IL33: variants seen among roughly 807,000 people sequenced by gnomAD.
IL33 encodes the protein interleukin 33, also known as interleukin-33.
A neutral mutation model predicts 27.3 loss-of-function variants in IL33; 37 were observed. The observed-to-expected ratio is 1.36, with a 90% CI of 1.04 to 1.78. The LOEUF is 1.78. IL33 is among the 40% of genes most tolerant of loss of function. IL33 has a pLI of 0.00. For synonymous variants in IL33, 132 were observed against 102.9 expected (o/e 1.28, Z -1.71); for missense variants, 406 against 311.4 (o/e 1.30, Z -2.29).
chr9:6,221,638 A>C (rs1818416518), intron 1 of IL33, among the ~76,000 whole-genome samples: 1 of 152,246 alleles, frequency 6.6e-6, no homozygotes, highest in African/African-American at 2.4e-5. Context: ...CATTTATGGC[A>C]AAAGCTGGTA....
chr9:6,231,498 C>T (rs991060643), intron 1 of IL33, among the ~76,000 whole-genome samples: 1 of 152,188 alleles, frequency 6.6e-6, no homozygotes, highest in African/African-American at 2.4e-5. Context: ...GTTTAAATGT[C>T]ACCTTCTCTG....
At chr9:6,241,308 T>C (rs992394672) in intron 1 of IL33, among the ~76,000 whole-genome samples, 1 of 152,250 alleles carries the variant, frequency 6.6e-6, no homozygotes, top group Non-Finnish European at 1.5e-5. Context: ...CATGATTGTA[T>C]GTGCTATACT....
chr9:6,221,196 G>A (rs960312387), intron 1 of IL33, among the ~76,000 whole-genome samples: 2 of 152,070 alleles, frequency 1.3e-5, no homozygotes, highest in Admixed American at 6.6e-5. Flanking sequence ...AAGAAAAAAG[G>A]TCCATATTAC....
At chr9:6,222,411 A>G (rs572493071) in intron 1 of IL33, among the ~76,000 whole-genome samples, 1 of 152,348 alleles carries the variant, frequency 6.6e-6, no homozygotes, top group East Asian at 1.9e-4. Context: ...CCAGCTAAAT[A>G]CCAGCATTGA....
intron 3 of IL33, 69 bp downstream of exon 3, chr9:6,250,668 A>G (rs1816300291): frequency 6.6e-7 from 1 of 1,511,036 alleles, no homozygotes; most frequent in African/African-American, 1.4e-5. Flanking sequence ...CCACATCTAA[A>G]TATGCAATTA....
At chr9:6,252,051 ACAAAC>A (rs1564073114) in intron 4 of IL33, among the ~76,000 whole-genome samples, 1,679 of 23,594 alleles carry the variant, frequency 0.071, 223 homozygotes, top group East Asian at 0.23. Context: ...AAACAAACAA[ACAAAC>A]AAAAAAAAAC....
chr9:6,241,762 A>G lies in IL33; in HGVS notation c.68A>G (p.Lys23Arg). ...STAKWKNTAS[K>R]ALCFKLGKSQ... ...GCAAAGTGGAAGAACACAGCAAGCA[A>G]AGCCTTGTGTTTCAAGCTGGGAAGT... Residue 23 changes from lysine to arginine, a missense_variant, in exon 2 of 8, where the codon AAA becomes AGA. Lys to Arg is a conservative substitution (Grantham distance 26, BLOSUM62 2). Transcript: ENST00000682010. The G allele has an allele frequency of 6.2e-7, 1 of 1,611,228 alleles. No homozygotes were observed. Among genetic ancestry groups the G allele is most frequent in the Non-Finnish European group, 8.5e-7 (1 of 1,178,314 alleles).
rs780238377 is a variant in IL33 at position 6,254,575 on chromosome 9, A to G, written c.612+22A>G. The G allele has an allele frequency of 2.3e-5, 30 of 1,315,960 alleles. No homozygotes were observed. The East Asian group carries it at 5.8e-4, about 25-fold the overall frequency. The allele number at this position is 1,315,960 out of a possible 1,614,324, so 81.5% of individuals were successfully genotyped here. ...GGAGGTAAAAAAAAAAAATTTATCT[A>G]TATCTATATATATGATTACAGAACT... On this transcript the variant is annotated intron_variant, in intron 7 of 7. Coordinates refer to ENST00000682010, the MANE Select transcript of IL33 (RefSeq NM_033439.4).
rs1019839709 is a variant in IL33 at position 6,245,872 on chromosome 9, T to C, written c.91+4087T>C. Among the ~76,000 whole-genome samples the C allele has an allele frequency of 7.9e-5, 12 of 151,038 alleles. 1 individual carries two copies. Among genetic ancestry groups the C allele is most frequent in the African/African-American group, 2.4e-4 (10 of 41,098 alleles). On this transcript the variant is annotated intron_variant, in intron 2 of 7. Transcript: ENST00000682010. ...GGTCAAGAGATTGAGATCATCCTGG[T>C]TAACACGGTGAAACCCCGTCTCTAC...
In IL33 at chr9:6,257,664, T is replaced by C. The variant is rs939139811; in HGVS notation, c.*1496T>C. 1.3e-5 allele frequency: 2 copies of C among 152,418 alleles called. No individual in the cohort carries two copies. Among genetic ancestry groups the C allele is most frequent in the Non-Finnish European group, 2.9e-5 (2 of 67,952 alleles). 9.4% of individuals were successfully genotyped at this position (152,418 alleles called of 1,614,324 possible). The stretch of plus-strand genomic sequence containing the variant: ...ACAGAATCTTTATGAAATATGACCT[T>C]TTCTGAAAATACATACTTTTACATT... On this transcript the variant is annotated 3_prime_UTR_variant, in exon 8 of 8. Coordinates refer to ENST00000682010, the MANE Select transcript of IL33 (RefSeq NM_033439.4).
rs761806036 is a variant in IL33, at chr9:6,251,188, C to T, written c.266C>T (p.Ser89Phe). Residue 89 changes from serine to phenylalanine, a missense_variant, in exon 4 of 8, where the codon TCT becomes TTT. Physicochemically the swap from Ser to Phe is radical, Grantham distance 155. Transcript: ENST00000682010. Reference protein sequence around the residue: ...HLVLAACQQQSTVECFAFGIS... With the variant: ...HLVLAACQQQFTVECFAFGIS... ...GTACTCGCTGCCTGTCAACAGCAGT[C>T]TACTGTGGAGTGCTTTGCCTTTGGT... The T allele has an allele frequency of 1.8e-5, 29 of 1,613,870 alleles. No individual in the cohort carries two copies. The highest frequency in any genetic ancestry group is 1.6e-4 in the Middle Eastern group (1 of 6,080).
At position 6,251,147 on chromosome 9, in the gene IL33, G is replaced by A; in HGVS notation, c.225G>A (p.Lys75=). 6.2e-7 allele frequency: 1 copy of A among 1,613,706 alleles called. No homozygotes were observed. ...ATCCCATCCGGTCTGCAGGTAGAAA[G>A]CACAAAAGACATCTGGTACTCGCTG... ...TKRPSLKTGR[K]HKRHLVLAAC... The change falls in exon 4 of 8, where the codon AAG becomes AAA. Residue 75 remains lysine (K), a synonymous_variant. Coordinates refer to ENST00000682010, the MANE Select transcript of IL33 (RefSeq NM_033439.4).
At chr9:6,247,746 C>T (rs1318833464) in intron 2 of IL33, among the ~76,000 whole-genome samples, 1 of 152,050 alleles carries the variant, frequency 6.6e-6, no homozygotes, top group Admixed American at 6.6e-5. Flanking sequence ...CTTTCCTCTC[C>T]AGAACACAAC....
chr9:6,238,370 C>T (rs1003712809), intron 1 of IL33, among the ~76,000 whole-genome samples: 1 of 152,210 alleles, frequency 6.6e-6, no homozygotes, highest in African/African-American at 2.4e-5. Flanking sequence ...GGTCTTCAAG[C>T]TGTGTGAGCA....
intron 1 of IL33, among the ~76,000 whole-genome samples, chr9:6,225,015 G>C (rs888732724): frequency 2.6e-5 from 4 of 151,976 alleles, no homozygotes; most frequent in Admixed American, 1.3e-4. Context: ...GCTGAGATTT[G>C]CACCCACCTC....
chr9:6,216,376 C>A (rs541777136), intron 1 of IL33, among the ~76,000 whole-genome samples: 2 of 152,150 alleles, frequency 1.3e-5, no homozygotes, highest in African/African-American at 4.8e-5. Context: ...GATAATTCTA[C>A]TTCTAACTCC....
intron 1 of IL33, among the ~76,000 whole-genome samples, chr9:6,217,623 T>C (rs1285102829): frequency 6.6e-6 from 1 of 152,212 alleles, no homozygotes; most frequent in East Asian, 1.9e-4. Flanking sequence ...AAACAAGGAA[T>C]TGATACCCTA....
intron 4 of IL33, among the ~76,000 whole-genome samples, chr9:6,252,164 A>T (rs1467455477): frequency 6.6e-6 from 1 of 151,950 alleles, no homozygotes; most frequent in Non-Finnish European, 1.5e-5. Flanking sequence ...CTAAATTCCC[A>T]GAAGCAACAC....
chr9:6,224,674 T>C lies in IL33; in HGVS notation c.-12+8822T>C, dbSNP rs78694327. On this transcript the variant is annotated intron_variant, in intron 1 of 7. Coordinates refer to ENST00000682010, the MANE Select transcript of IL33 (RefSeq NM_033439.4). ...TCAAATGCTCTCCTACTTTTTGGCA[T>C]GTATTTGTGGTGAATTATGAATAGA... Among the ~76,000 whole-genome samples, 480 of 152,340 alleles carry C rather than the reference T, an allele frequency of 3.2e-3. 3 individuals are homozygous for C. Among genetic ancestry groups the C allele is most frequent in the African/African-American group, 0.01 (417 of 41,594 alleles).
Sources: gnomAD v4.1 joint callset for allele counts (sites outside exome capture counted in the v4.1 genomes callset) on GRCh38, gnomAD v4.1.1 for gene constraint, MANE v1.5 for transcripts, NCBI Gene and HGNC (gene_info 2026-07-23, HGNC 2026-07-21) for gene names.